ACAN: variants seen among roughly 807,000 people sequenced by gnomAD.
The protein encoded by ACAN is aggrecan core protein.
Under a neutral mutation model 169.1 loss-of-function variants are expected in ACAN, and 47 were observed. That is an observed-to-expected ratio of 0.28 (90% CI 0.22 to 0.35). ACAN has a LOEUF of 0.35. ACAN is among the 10% of genes least tolerant of loss of function. ACAN has a pLI of 1.00. For missense variants in ACAN, 2,716 were observed against 2,759.9 expected, an observed-to-expected ratio of 0.98 and a Z score of 0.36; for synonymous variants, 1,115 against 1,112.2, an observed-to-expected ratio of 1.00 and a Z score of -0.05.
At chr15:88,840,333 T>C in intron 4 of ACAN, 147 bp downstream of exon 4, 2 of 1,000,578 alleles carry the variant, frequency 2.0e-6, no homozygotes, top group Non-Finnish European at 2.8e-6. Context: ...GGTCACACCT[T>C]GGCCAAACAG....
Position 88,855,035 on chromosome 15 carries a change from T to C in ACAN, c.2450T>C (p.Leu817Pro), listed in dbSNP as rs200626682. 1,369 of 1,591,226 alleles carry C rather than the reference T, an allele frequency of 8.6e-4. 1 individual carries two copies. The highest frequency in any genetic ancestry group is 1.1e-3 in the Non-Finnish European group (1,284 of 1,170,488). ...GTGAGGCCATTCCCCTCAGTGGAGC[T>C]GTTCCCCTCAGAGGAGCCATTCCCC... ...PSVRPFPSVE[L>P]FPSEEPFPSK... is the part of the protein sequence containing the mutation. Residue 817 changes from leucine (L) to proline (P), a missense_variant, in exon 12 of 19, where the codon CTG becomes CCG. Physicochemically the swap from Leu to Pro is moderately conservative, Grantham distance 98. Transcript: ENST00000560601.
At chr15:88,840,612 G>A (rs1222403727) in intron 4 of ACAN, among the ~76,000 whole-genome samples, 2 of 152,130 alleles carry the variant, frequency 1.3e-5, no homozygotes, top group Non-Finnish European at 2.9e-5. Flanking sequence ...GTGCAGAGCA[G>A]TCCAGATAGA....
intron 13 of ACAN, among the ~76,000 whole-genome samples, chr15:88,863,864 A>G (rs1199139857): frequency 1.3e-5 from 2 of 152,254 alleles, no homozygotes; most frequent in Non-Finnish European, 2.9e-5. Flanking sequence ...TTAACAGGCA[A>G]CTGATTGATT....
Position 88,849,845 on chromosome 15 carries a change from G to C in ACAN, c.2026+114G>C. The C allele has an allele frequency of 1.4e-6, 2 of 1,425,566 alleles. No individual in the cohort carries two copies. The highest frequency in any genetic ancestry group is 1.9e-6 in the Non-Finnish European group (2 of 1,037,428). The allele number at this position is 1,425,566 out of a possible 1,614,324, so 88.3% of individuals were successfully genotyped here. On this transcript the variant is annotated intron_variant, in intron 10 of 18. Transcript: ENST00000560601. This position sits in a 1 kb window ranked among gnomAD's most constrained non-coding sequence, Gnocchi z 5.1. Reference sequence around the variant, plus strand: ...CATCCATCAGAGCAAGAAAATGTCAGTCCCTCTGGGGCAGAGCCAGCTCTG... The same window carrying C: ...CATCCATCAGAGCAAGAAAATGTCACTCCCTCTGGGGCAGAGCCAGCTCTG...
chr15:88,827,917 G>A (rs945767314), intron 1 of ACAN, among the ~76,000 whole-genome samples: 3 of 152,176 alleles, frequency 2.0e-5, no homozygotes, highest in African/African-American at 7.2e-5. Flanking sequence ...ACATCTGTCT[G>A]ACTCCCAATC....
chr15:88,871,552 G>T lies in ACAN; in HGVS notation c.7219+12G>T, dbSNP rs564393851. 2 of 1,605,676 alleles carry T rather than the reference G, an allele frequency of 1.2e-6. No homozygotes were observed. The highest frequency in any genetic ancestry group is 4.5e-5 in the East Asian group (2 of 44,648). ...GGAGTTTGTCAACAGTGAGTGCGGC[G>T]GGGCCTCTGGAGCCTGAGAGGAGAG... On this transcript the variant is annotated intron_variant, in intron 15 of 18. Coordinates refer to ENST00000560601, the MANE Select transcript of ACAN (RefSeq NM_001369268.1). This position sits in a 1 kb window ranked among gnomAD's most constrained non-coding sequence, Gnocchi z 7.8.
intron 1 of ACAN, among the ~76,000 whole-genome samples, chr15:88,830,230 C>T (rs1385433018): frequency 1.3e-5 from 2 of 152,148 alleles, no homozygotes; most frequent in South Asian, 4.1e-4. Flanking sequence ...ACATGGAGGA[C>T]AGCACAATGA....
chr15:88,840,606 A>C (rs1896628151), intron 4 of ACAN, among the ~76,000 whole-genome samples: 1 of 152,284 alleles, frequency 6.6e-6, no homozygotes, highest in South Asian at 2.1e-4. Flanking sequence ...AGTGAGGTGC[A>C]GAGCAGTCCA....
At position 88,866,955 on chromosome 15, in the gene ACAN, G is replaced by T. The variant is rs1278378086; in HGVS notation, c.6947-1261G>T. On this transcript the variant is annotated intron_variant, in intron 13 of 18. Transcript: ENST00000560601. This position sits in a 1 kb window ranked among gnomAD's most constrained non-coding sequence, Gnocchi z 5.6. The stretch of plus-strand genomic sequence containing the variant: ...ACACAGCTGCACATACTGAGGCTCA[G>T]TATCTTCAAACCAATGTCATGGTGC... 6.6e-6 allele frequency among the ~76,000 whole-genome samples: 1 copy of T among 152,194 alleles called. No homozygotes were observed. Among genetic ancestry groups the T allele is most frequent in the Non-Finnish European group, 1.5e-5 (1 of 68,044 alleles).
intron 1 of ACAN, among the ~76,000 whole-genome samples, chr15:88,809,945 G>A (rs905267662): frequency 6.6e-6 from 1 of 152,214 alleles, no homozygotes; most frequent in African/African-American, 2.4e-5. Context: ...GATAAAGTAA[G>A]GCCTAACTAA....
rs770623698 is a variant in ACAN at position 88,858,164 on chromosome 15, C to T, written c.5579C>T (p.Ser1860Phe). ...LGSVELSGLP[S>F]GEADLSGKSG... Reference sequence around the variant, plus strand: ...TCTGTGGAACTCAGTGGCCTCCCTTCCGGAGAGGCAGATCTGTCAGGCAAA... The same window carrying T: ...TCTGTGGAACTCAGTGGCCTCCCTTTCGGAGAGGCAGATCTGTCAGGCAAA... Residue 1860 changes from serine to phenylalanine, a missense_variant, in exon 12 of 19, where the codon TCC (serine) becomes TTC (phenylalanine). Physicochemically the swap from Ser to Phe is radical, Grantham distance 155. Transcript: ENST00000560601. The surrounding 1 kb of genome is among the most constrained non-coding windows in gnomAD (Gnocchi z 4.0). The T allele has an allele frequency of 6.2e-7, 1 of 1,613,940 alleles. No individual in the cohort carries two copies. Among genetic ancestry groups the T allele is most frequent in the South Asian group, 1.1e-5 (1 of 91,086 alleles).
chr15:88,850,065 G>C (rs1341915380), intron 10 of ACAN: 1 of 588,226 alleles, frequency 1.7e-6, no homozygotes, highest in Non-Finnish European at 3.0e-6. Flanking sequence ...ACTTCAGAGA[G>C]AGCTGCAAGA....
chr15:88,813,554 G>A (rs1895871695), intron 1 of ACAN, among the ~76,000 whole-genome samples: 1 of 152,164 alleles, frequency 6.6e-6, no homozygotes, highest in Admixed American at 6.5e-5. Context: ...AGTTCGTGAT[G>A]ACTCAAACAT....
chr15:88,859,250 G>C lies in ACAN; in HGVS notation c.6665G>C (p.Trp2222Ser). 1 of 1,613,920 alleles carries C rather than the reference G, an allele frequency of 6.2e-7. No homozygotes were observed. Among genetic ancestry groups the C allele is most frequent in the South Asian group, 1.1e-5 (1 of 91,086 alleles). Reference sequence around the variant, plus strand: ...AGCACCAGCATCCCAGAGTCTGAGTGGACCCAGCAGACCCAGCGCCCTGCA... The same window carrying C: ...AGCACCAGCATCCCAGAGTCTGAGTCGACCCAGCAGACCCAGCGCCCTGCA... ...VISTSIPESEWTQQTQRPAET... is the reference protein window; with the variant it reads ...VISTSIPESESTQQTQRPAET... Residue 2222 changes from tryptophan (W) to serine (S), a missense_variant, in exon 12 of 19, where the codon TGG becomes TCG. By Grantham distance (177) the Trp-to-Ser change is radical. Transcript: ENST00000560601.
At chr15:88,806,804 AG>A (rs1382620658) in intron 1 of ACAN, among the ~76,000 whole-genome samples, 2 of 152,146 alleles carry the variant, frequency 1.3e-5, no homozygotes, top group Admixed American at 1.3e-4. Context: ...AGGGATGTCT[AG>A]CACCAGATTT....
rs1192117380 is a variant in ACAN, at chr15:88,858,372, T to C, written c.5787T>C (p.Ser1929=). The C allele has an allele frequency of 6.2e-7, 1 of 1,613,960 alleles. No individual in the cohort carries two copies. The highest frequency in any genetic ancestry group is 2.2e-5 in the East Asian group (1 of 44,888). ...CATATTATGGCAGTGGAACTCCATC[T>C]AGTTTCCCCACTGTCTCTCTTGTAG... ...SGAYYGSGTP[S]SFPTVSLVDR... The change falls in exon 12 of 19, where the codon TCT becomes TCC. Residue 1929 remains serine (S), a synonymous_variant. Coordinates refer to ENST00000560601, the MANE Select transcript of ACAN (RefSeq NM_001369268.1). The surrounding 1 kb of genome is among the most constrained non-coding windows in gnomAD (Gnocchi z 4.0).
At position 88,873,810 on chromosome 15, in the gene ACAN, G is replaced by A. The variant is rs1897439208; in HGVS notation, c.7448-32G>A. The A allele has an allele frequency of 3.1e-6, 5 of 1,606,732 alleles. No individual in the cohort carries two copies. The highest frequency in any genetic ancestry group is 4.3e-6 in the Non-Finnish European group (5 of 1,175,380). On this transcript the variant is annotated intron_variant, in intron 17 of 18. Coordinates refer to ENST00000560601, the MANE Select transcript of ACAN (RefSeq NM_001369268.1). This position sits in a 1 kb window ranked among gnomAD's most constrained non-coding sequence, Gnocchi z 7.5. ...CATAGGTCATCCCAGGAGACCCTAT[G>A]AGACCCTTTATAAAGGGTGTTTGCC...
At chr15:88,829,982 A>C (rs1207438318) in intron 1 of ACAN, among the ~76,000 whole-genome samples, 1 of 151,854 alleles carries the variant, frequency 6.6e-6, no homozygotes, top group African/African-American at 2.4e-5. Flanking sequence ...GTAGAAAGTC[A>C]TAGCTGGGGG....
intron 1 of ACAN, among the ~76,000 whole-genome samples, chr15:88,825,580 A>G (rs980228180): frequency 1.3e-5 from 2 of 152,216 alleles, no homozygotes; most frequent in African/African-American, 4.8e-5. Flanking sequence ...AGGAAACTGC[A>G]TAGAGACTGG....
Sources: allele counts gnomAD v4.1 joint callset (sites outside exome capture counted in the v4.1 genomes callset), GRCh38; gene constraint gnomAD v4.1.1; non-coding constraint Gnocchi (gnomAD v3.1); transcripts MANE v1.5; gene names NCBI Gene and HGNC (gene_info 2026-07-23, HGNC 2026-07-21).